The following ANKFN1 variants were observed in gnomAD, a reference collection of about 807,000 sequenced individuals.
ANKFN1 encodes the protein ankyrin repeat and fibronectin type III domain containing 1, also known as ankyrin repeat and fibronectin type-III domain-containing protein 1.
In ANKFN1, 74 loss-of-function variants were observed where a neutral mutation model predicts 108.7. The ratio of observed to expected loss-of-function variants is 0.68; its 90% confidence interval spans 0.56 to 0.83. The LOEUF (loss-of-function observed/expected upper bound fraction) is 0.83, where lower values mean the gene tolerates loss of function less well. Ranked by LOEUF, ANKFN1 falls within the 40% of genes least tolerant of loss-of-function variation. The pLI is 0.00. For synonymous variants in ANKFN1, 547 were observed against 516.2 expected (o/e 1.06, Z -0.81); for missense variants, 1,505 against 1,382.3 (o/e 1.09, Z -1.41).
At chr17:56,074,161 C>T (rs886955710) in intron 4 of ANKFN1, among the ~76,000 whole-genome samples, 9 of 152,164 alleles carry the variant, frequency 5.9e-5, no homozygotes, top group Non-Finnish European at 1.0e-4. Context: ...CCTTGAGTAG[C>T]TTCCTCTCTG....
At chr17:56,222,532 A>G (rs1915960799) in intron 2 of ANKFN1, among the ~76,000 whole-genome samples, 1 of 152,226 alleles carries the variant, frequency 6.6e-6, no homozygotes, top group African/African-American at 2.4e-5. Flanking sequence ...AAAGAAAGAC[A>G]AAGGACACTA....
chr17:56,170,805 T>TACACACACACACACACACAC (rs1383558821), intron 1 of ANKFN1, among the ~76,000 whole-genome samples: 2,670 of 71,426 alleles, frequency 0.037, 47 homozygotes, highest in Non-Finnish European at 0.054. Context: ...TATATATATA[T>TACACACACACACACACACAC]ATACACACAC....
At chr17:56,509,062 GA>G (rs1193925058) in intron 20 of ANKFN1, among the ~76,000 whole-genome samples, 1 of 152,196 alleles carries the variant, frequency 6.6e-6, no homozygotes, top group Non-Finnish European at 1.5e-5. Flanking sequence ...AAAGGCAGAA[GA>G]GGGAATCCTT....
Position 56,375,826 on chromosome 17 carries a change from T to G in ANKFN1, c.910+1112T>G, listed in dbSNP as rs180881418. Among the ~76,000 whole-genome samples the G allele has an allele frequency of 2.6e-4, 39 of 152,320 alleles. 1 individual carries two copies. In the East Asian group the frequency reaches 7.3e-3, roughly 29 times the overall value. On this transcript the variant is annotated intron_variant, in intron 8 of 20. Coordinates refer to ENST00000682825, the MANE Select transcript of ANKFN1 (RefSeq NM_001370326.1). The stretch of plus-strand genomic sequence containing the variant: ...ATTTAAAGCCGTTTAAAGTTTTAAC[T>G]CTATTTAATCCTCACAATGATCTCA...
At chr17:56,311,144 C>T (rs1041418054) in intron 3 of ANKFN1, among the ~76,000 whole-genome samples, 1 of 150,830 alleles carries the variant, frequency 6.6e-6, no homozygotes, top group Non-Finnish European at 1.5e-5. Flanking sequence ...CTCTCTCTCT[C>T]GCTCACTCTC....
chr17:56,263,766 C>T (rs767202015), intron 3 of ANKFN1, among the ~76,000 whole-genome samples: 13 of 152,166 alleles, frequency 8.5e-5, no homozygotes, highest in Non-Finnish European at 4.4e-5. Flanking sequence ...GCTATACTTC[C>T]AAGCATCCAA....
intron 4 of ANKFN1, among the ~76,000 whole-genome samples, chr17:56,103,169 A>G (rs906186216): frequency 1.3e-5 from 2 of 152,140 alleles, no homozygotes; most frequent in Non-Finnish European, 2.9e-5. Flanking sequence ...TGAAGGAGAG[A>G]GTGAGGCAAT....
chr17:56,051,549 G>C (rs1432747697), intron 4 of ANKFN1, among the ~76,000 whole-genome samples: 1 of 143,598 alleles, frequency 7.0e-6, no homozygotes, highest in Non-Finnish European at 1.5e-5. Flanking sequence ...ATTCAACATA[G>C]TGTTGGAAAT....
chr17:56,469,400 A>G (rs1034340210), intron 15 of ANKFN1, among the ~76,000 whole-genome samples: 1 of 152,134 alleles, frequency 6.6e-6, no homozygotes, highest in African/African-American at 2.4e-5. Flanking sequence ...AGGGAGAGAT[A>G]GGTCTTGGTG....
At chr17:56,144,436 A>G (rs886250855) in intron 4 of ANKFN1, among the ~76,000 whole-genome samples, 5 of 152,206 alleles carry the variant, frequency 3.3e-5, no homozygotes. Context: ...GTACTTTGGC[A>G]TGCATCCAAC....
At chr17:56,068,884 C>A in intron 4 of ANKFN1, among the ~76,000 whole-genome samples, 1 of 152,162 alleles carries the variant, frequency 6.6e-6, no homozygotes, top group African/African-American at 2.4e-5. Flanking sequence ...TCCTTTATCA[C>A]GTATGTATTT....
intron 18 of ANKFN1, among the ~76,000 whole-genome samples, chr17:56,486,820 T>G (rs933285000): frequency 6.6e-6 from 1 of 152,328 alleles, no homozygotes; most frequent in Admixed American, 6.5e-5. Flanking sequence ...ATATGTAAAT[T>G]ATAATAGAAT....
chr17:56,100,314 T>A (rs1319429585), intron 4 of ANKFN1, among the ~76,000 whole-genome samples: 2 of 152,176 alleles, frequency 1.3e-5, no homozygotes, highest in African/African-American at 4.8e-5. Flanking sequence ...ATTTTAAGGT[T>A]AGATGTCTGT....
At chr17:56,392,123 C>T (rs567272326) in intron 8 of ANKFN1, among the ~76,000 whole-genome samples, 1 of 152,234 alleles carries the variant, frequency 6.6e-6, no homozygotes, top group South Asian at 2.1e-4. Context: ...TTAATTCTCA[C>T]AGCGTATCTT....
intron 4 of ANKFN1, among the ~76,000 whole-genome samples, chr17:56,349,768 C>T (rs368134477): frequency 1.3e-5 from 2 of 151,988 alleles, no homozygotes; most frequent in Admixed American, 6.6e-5. Flanking sequence ...TTATTATATA[C>T]CAATTTTAAA....
At chr17:56,314,127 TTGAG>T (rs1444396804) in intron 3 of ANKFN1, among the ~76,000 whole-genome samples, 1 of 152,262 alleles carries the variant, frequency 6.6e-6, no homozygotes, top group Non-Finnish European at 1.5e-5. Context: ...TTTTTTATTG[TTGAG>T]TAATAGTCCA....
At chr17:56,462,384 C>A (rs773909792) in intron 14 of ANKFN1, among the ~76,000 whole-genome samples, 3 of 152,150 alleles carry the variant, frequency 2.0e-5, no homozygotes. Context: ...CACCTGTGGT[C>A]GGGAGTTCGA....
At chr17:56,222,451 G>A (rs1915955505) in intron 2 of ANKFN1, among the ~76,000 whole-genome samples, 1 of 152,154 alleles carries the variant, frequency 6.6e-6, no homozygotes, top group Non-Finnish European at 1.5e-5. Context: ...CATTGAAGAT[G>A]ACTCAGCAGT....
chr17:56,516,022 C>T lies in ANKFN1; in HGVS notation c.*4753C>T, dbSNP rs965825139. Among the ~76,000 whole-genome samples, 1 of 151,954 alleles carries T rather than the reference C, an allele frequency of 6.6e-6. No homozygotes were observed. The highest frequency in any genetic ancestry group is 1.5e-5 in the Non-Finnish European group (1 of 67,990). ...ATGTTTAACTTAGTGGCAAAGGTTA[C>T]GAAGCTATTAGTTAAGGCTCTTTGC... On this transcript the variant is annotated 3_prime_UTR_variant, in exon 21 of 21. Transcript: ENST00000682825.
Sources: allele counts gnomAD v4.1 joint callset (sites outside exome capture counted in the v4.1 genomes callset), GRCh38; gene constraint gnomAD v4.1.1; transcripts MANE v1.5; gene names NCBI Gene and HGNC (gene_info 2026-07-23, HGNC 2026-07-21).